The following HHAT variants were observed in gnomAD, a reference collection of about 807,000 sequenced individuals.
The protein encoded by HHAT is hedgehog acyltransferase.
In HHAT, 47 loss-of-function variants were observed where a neutral mutation model predicts 70.8. The ratio of observed to expected loss-of-function variants is 0.66; its 90% CI spans 0.53 to 0.85. The LOEUF is 0.85. Ranked by LOEUF, HHAT falls within the 40% of genes least tolerant of loss-of-function variation. The pLI, the probability that HHAT is intolerant of heterozygous loss-of-function variation, is 0.00. For missense variants in HHAT, 609 were observed against 604.8 expected (o/e 1.01, Z -0.07); for synonymous variants, 228 against 247.6 (o/e 0.92, Z 0.74).
intron 2 of HHAT, among the ~76,000 whole-genome samples, chr1:210,356,460 G>T (rs1333993157): frequency 6.6e-6 from 1 of 151,792 alleles, no homozygotes. Context: ...GCACCGGGGA[G>T]CCCTCATATT....
chr1:210,640,436 C>T (rs1008779787), intron 11 of HHAT, among the ~76,000 whole-genome samples: 1 of 152,104 alleles, frequency 6.6e-6, no homozygotes, highest in African/African-American at 2.4e-5. Context: ...AATGAAAACT[C>T]TTCTCTGACC....
At chr1:210,546,171 A>G (rs2095481545) in intron 9 of HHAT, among the ~76,000 whole-genome samples, 1 of 152,222 alleles carries the variant, frequency 6.6e-6, no homozygotes, top group African/African-American at 2.4e-5. Flanking sequence ...AGTGTCTACT[A>G]CATGCCAGGC....
intron 4 of HHAT, among the ~76,000 whole-genome samples, chr1:210,399,070 A>G (rs72745456): frequency 0.17 from 25,441 of 152,224 alleles, 2,479 homozygotes; most frequent in Admixed American, 0.25. Flanking sequence ...CTTGCCCTGA[A>G]AAAAGTCTTT....
At chr1:210,395,992 A>G (rs1339685246) in intron 4 of HHAT, among the ~76,000 whole-genome samples, 3 of 152,170 alleles carry the variant, frequency 2.0e-5, no homozygotes, top group African/African-American at 7.2e-5. Flanking sequence ...TAAGGAGACT[A>G]TCAAGTAGAG....
At chr1:210,483,220 G>C (rs1364191455) in intron 8 of HHAT, among the ~76,000 whole-genome samples, 1 of 152,142 alleles carries the variant, frequency 6.6e-6, no homozygotes, top group Non-Finnish European at 1.5e-5. Flanking sequence ...TGTTGCCATG[G>C]GGAGAGTGTT....
At chr1:210,345,577 G>T (rs1465628241) in intron 1 of HHAT, among the ~76,000 whole-genome samples, 3 of 152,128 alleles carry the variant, frequency 2.0e-5, no homozygotes, top group Non-Finnish European at 4.4e-5. Flanking sequence ...TATAGCTCTT[G>T]TTTATTTCAG....
At chr1:210,511,923 G>A (rs74999593) in intron 8 of HHAT, among the ~76,000 whole-genome samples, 16,547 of 151,566 alleles carry the variant, frequency 0.11, 1,173 homozygotes, top group South Asian at 0.18. Flanking sequence ...CTGACTAAGT[G>A]AGACTTCACT....
At chr1:210,601,372 G>A (rs1664232187) in intron 10 of HHAT, among the ~76,000 whole-genome samples, 1 of 152,124 alleles carries the variant, frequency 6.6e-6, no homozygotes, top group South Asian at 2.1e-4. Flanking sequence ...CTAAGCCTCT[G>A]AGGGAGTATA....
chr1:210,650,525 C>T (rs1674921460), intron 11 of HHAT, among the ~76,000 whole-genome samples: 1 of 152,128 alleles, frequency 6.6e-6, no homozygotes, highest in African/African-American at 2.4e-5. Flanking sequence ...TTCTCGGGAG[C>T]ATAGTCTGAT....
chr1:210,653,566 G>A (rs1302657672), intron 11 of HHAT, among the ~76,000 whole-genome samples: 2 of 151,446 alleles, frequency 1.3e-5, no homozygotes, highest in Non-Finnish European at 2.9e-5. Flanking sequence ...CATTTAATGT[G>A]TATGTTTCTG....
At chr1:210,416,396 A>G (rs2092722281) in intron 6 of HHAT, among the ~76,000 whole-genome samples, 1 of 152,228 alleles carries the variant, frequency 6.6e-6, no homozygotes, top group South Asian at 2.1e-4. Context: ...TCTGCATTTC[A>G]AGGGAGCTTT....
Position 210,588,047 on chromosome 1 carries a change from T to G in HHAT, c.1193T>G (p.Val398Gly). 6.2e-7 allele frequency: 1 copy of G among 1,613,592 alleles called. No individual in the cohort carries two copies. The change falls in exon 10 of 12, where the codon GTG becomes GGG. Residue 398 changes from valine (V) to glycine (G), a missense_variant. Coordinates refer to ENST00000261458, the MANE Select transcript of HHAT (RefSeq NM_018194.6). Reference sequence around the variant, plus strand: ...GCGCTCAACTGGCTGGGAGTCACTGTGGAGAATGGAGTCCGGAGGCTGGTG... The same window carrying G: ...GCGCTCAACTGGCTGGGAGTCACTGGGGAGAATGGAGTCCGGAGGCTGGTG... ...WAALNWLGVT[V>G]ENGVRRLVET...
At chr1:210,529,900 C>A (rs974834093) in intron 9 of HHAT, among the ~76,000 whole-genome samples, 1 of 152,154 alleles carries the variant, frequency 6.6e-6, no homozygotes, top group African/African-American at 2.4e-5. Flanking sequence ...TAATAAATTC[C>A]TTTTCTGCTT....
intron 7 of HHAT, among the ~76,000 whole-genome samples, chr1:210,459,526 TAAG>T (rs1003666766): frequency 3.3e-5 from 5 of 152,038 alleles, no homozygotes; most frequent in African/African-American, 1.2e-4. Context: ...AGACAGATCA[TAAG>T]AAGGAAGTAT....
chr1:210,343,634 C>T (rs375361869), intron 1 of HHAT, among the ~76,000 whole-genome samples: 7 of 152,062 alleles, frequency 4.6e-5, no homozygotes, highest in African/African-American at 9.7e-5. Context: ...GTAGCAGAGA[C>T]GTAGGTGGTG....
intron 10 of HHAT, 105 bp downstream of exon 10, chr1:210,588,204 C>A (rs1660909132): frequency 1.0e-6 from 1 of 988,860 alleles, no homozygotes; most frequent in Non-Finnish European, 1.5e-6. Flanking sequence ...TGGGCCCTTT[C>A]TACTAGGTTG....
In HHAT at chr1:210,675,293, T is replaced by C; in HGVS notation, c.*914T>C. On this transcript the variant is annotated 3_prime_UTR_variant, in exon 12 of 12. Transcript: ENST00000261458. Reference sequence around the variant, plus strand: ...GGTTTGATTCAAACAGAGCCTTTTCTGTCCTGTAGATAATCTACATGTTTG... The same window carrying C: ...GGTTTGATTCAAACAGAGCCTTTTCCGTCCTGTAGATAATCTACATGTTTG... 1 of 152,230 alleles carries C rather than the reference T, an allele frequency of 6.6e-6. No homozygotes were observed. Among genetic ancestry groups the C allele is most frequent in the Admixed American group, 6.5e-5 (1 of 15,286 alleles). The allele number at this position is 152,230 out of a possible 1,614,324, so 9.4% of individuals were successfully genotyped here. A position where few individuals can be genotyped will look rare whatever the true frequency, so the allele number is the denominator to read the frequency against.
intron 9 of HHAT, among the ~76,000 whole-genome samples, chr1:210,555,601 G>T (rs538729784): frequency 5.9e-5 from 9 of 152,336 alleles, no homozygotes; most frequent in Non-Finnish European, 1.0e-4. Flanking sequence ...TCAGAGAGGA[G>T]TTTGTGCTAT....
At chr1:210,391,425 A>T (rs1196728702) in intron 4 of HHAT, among the ~76,000 whole-genome samples, 1 of 152,230 alleles carries the variant, frequency 6.6e-6, no homozygotes, top group Non-Finnish European at 1.5e-5. Context: ...ACACTGATAA[A>T]TTTAACTACG....
Sources: gnomAD v4.1 joint callset for allele counts (sites outside exome capture counted in the v4.1 genomes callset) on GRCh38, gnomAD v4.1.1 for gene constraint, MANE v1.5 for transcripts, NCBI Gene and HGNC (gene_info 2026-07-23, HGNC 2026-07-21) for gene names.